The following DMD variants were observed in gnomAD, a reference collection of about 807,000 sequenced individuals.
The protein encoded by DMD is mutant dystrophin.
Under a neutral mutation model 330.1 loss-of-function variants are expected in DMD, and 63 were observed. That is an observed-to-expected ratio of 0.19 (90% CI 0.16 to 0.24). The LOEUF is 0.24. DMD is among the 10% of genes least tolerant of loss of function. The pLI is 1.00. For missense variants in DMD, 3,344 were observed against 2,684.1 expected, an observed-to-expected ratio of 1.25 and a Z score of -5.43; for synonymous variants, 1,223 against 959.8, an observed-to-expected ratio of 1.27 and a Z score of -5.07.
At chrX:32,047,096 T>C (rs186034847) in intron 44 of DMD, among the ~76,000 whole-genome samples, 190 of 111,606 alleles carry the variant, frequency 1.7e-3, no homozygotes, top group Non-Finnish European at 3.1e-3. Flanking sequence ...TAATACTCTC[T>C]TGAAATTGAC....
At chrX:32,678,694 A>C (rs919238295) in intron 9 of DMD, among the ~76,000 whole-genome samples, 2 of 111,621 alleles carry the variant, frequency 1.8e-5, no homozygotes, top group African/African-American at 6.5e-5. Context: ...TCAGAGTTAT[A>C]TTATCTTTCC....
chrX:33,051,250 C>T (rs1294804257), intron 1 of DMD, among the ~76,000 whole-genome samples: 1 of 99,166 alleles, frequency 1.0e-5, no homozygotes, highest in Non-Finnish European at 2.0e-5. Flanking sequence ...CTCCCTCTAT[C>T]GCCCAGGCTG....
chrX:32,767,567 A>G (rs2073138219), intron 7 of DMD, among the ~76,000 whole-genome samples: 1 of 111,623 alleles, frequency 9.0e-6, no homozygotes, highest in Non-Finnish European at 1.9e-5. Context: ...GGCAGTCTGA[A>G]GTCTTTCAAC....
At position 31,936,984 on chromosome X, in the gene DMD, G is replaced by A. The variant is rs373552512; in HGVS notation, c.6615-4757C>T. ...GTAATGCACTATGTCAATTATTGCA[G>A]CTTTAAAATATGTTTAATTTCTGGT... On this transcript the variant is annotated intron_variant, in intron 45 of 78. Transcript: ENST00000357033. Among the ~76,000 whole-genome samples, 29 of 110,933 alleles carry A rather than the reference G, an allele frequency of 2.6e-4. No individual in the cohort carries two copies. The South Asian group carries it at 0.011, about 41-fold the overall frequency.
chrX:32,462,496 A>G (rs1294037763), intron 25 of DMD, among the ~76,000 whole-genome samples: 2 of 111,296 alleles, frequency 1.8e-5, no homozygotes, highest in African/African-American at 3.3e-5. Flanking sequence ...ATTTTTGAAT[A>G]TATCTTACTA....
intron 30 of DMD, among the ~76,000 whole-genome samples, chrX:32,394,815 C>T (rs2098028597): frequency 1.9e-5 from 2 of 107,190 alleles, no homozygotes; most frequent in South Asian, 8.5e-4. Flanking sequence ...GTTTTTCCAT[C>T]CCCTTAGCCT....
intron 52 of DMD, among the ~76,000 whole-genome samples, chrX:31,701,490 C>T (rs1311156333): frequency 8.9e-6 from 1 of 111,802 alleles, no homozygotes; most frequent in Non-Finnish European, 1.9e-5. Context: ...CCCTCCTACC[C>T]ATGCCTAATT....
chrX:32,962,573 T>C (rs185501303), intron 2 of DMD, among the ~76,000 whole-genome samples: 32 of 111,735 alleles, frequency 2.9e-4, no homozygotes, highest in African/African-American at 9.1e-4. Context: ...TGGTTCTTTG[T>C]AGAAAAACTC....
At chrX:32,617,906 G>A (rs2057702894) in intron 11 of DMD, among the ~76,000 whole-genome samples, 1 of 111,263 alleles carries the variant, frequency 9.0e-6, no homozygotes, top group Non-Finnish European at 1.9e-5. Context: ...TTAAAAATAG[G>A]CAAAAGACCA....
intron 43 of DMD, among the ~76,000 whole-genome samples, chrX:32,279,761 C>T (rs184111098): frequency 1.3e-4 from 14 of 109,314 alleles, no homozygotes; most frequent in Admixed American, 6.9e-4. Flanking sequence ...GCTAGCACAA[C>T]AGGGTGACTA....
chrX:32,717,628 T>C (rs2065867868), intron 7 of DMD, among the ~76,000 whole-genome samples: 1 of 111,498 alleles, frequency 9.0e-6, no homozygotes, highest in African/African-American at 3.3e-5. Context: ...GGGCACTGCC[T>C]ACTTGAGCTT....
intron 2 of DMD, among the ~76,000 whole-genome samples, chrX:32,929,218 G>A (rs578205166): frequency 3.6e-5 from 4 of 111,065 alleles, no homozygotes; most frequent in African/African-American, 1.3e-4. Context: ...TTCTGTAGGT[G>A]TAATTATATT....
At chrX:32,976,327 G>A (rs779082511) in intron 2 of DMD, among the ~76,000 whole-genome samples, 39 of 111,243 alleles carry the variant, frequency 3.5e-4, no homozygotes, top group African/African-American at 1.1e-3. Flanking sequence ...TCCCCATAAC[G>A]GATGGAAAGG....
chrX:31,743,318 C>T (rs2087522834), intron 51 of DMD, among the ~76,000 whole-genome samples: 1 of 112,516 alleles, frequency 8.9e-6, no homozygotes, highest in Admixed American at 9.4e-5. Flanking sequence ...ACACAACTAT[C>T]GTTCAACCTA....
At chrX:32,402,024 A>C (rs1032549111) in intron 30 of DMD, among the ~76,000 whole-genome samples, 1 of 112,181 alleles carries the variant, frequency 8.9e-6, no homozygotes, top group African/African-American at 3.2e-5. Flanking sequence ...TAAAGTGGAG[A>C]AAGCAGATCT....
At chrX:32,863,750 AT>A (rs2082272364) in intron 2 of DMD, among the ~76,000 whole-genome samples, 1 of 111,371 alleles carries the variant, frequency 9.0e-6, no homozygotes, top group Non-Finnish European at 1.9e-5. Flanking sequence ...TGTAAAACGT[AT>A]TTATTACCAT....
At chrX:31,460,873 C>T (rs922409589) in intron 59 of DMD, among the ~76,000 whole-genome samples, 2 of 111,819 alleles carry the variant, frequency 1.8e-5, no homozygotes, top group Non-Finnish European at 3.8e-5. Flanking sequence ...TGAGCCACCA[C>T]GGCCGGCCAT....
At chrX:31,251,513 T>C (rs1205126222) in intron 63 of DMD, among the ~76,000 whole-genome samples, 2 of 112,095 alleles carry the variant, frequency 1.8e-5, no homozygotes, top group East Asian at 5.5e-4. Context: ...TTTTGAAACA[T>C]TCCCACAGAA....
At position 32,310,271 on chromosome X, in the gene DMD, A is replaced by T. The variant is rs1450949396; in HGVS notation, c.5928T>A (p.Thr1976=). ...FRRLNFAQIH[T]VREETMMVMT... ...TCACCATCATCGTTTCTTCACGGAC[A>T]GTGTGCTGGTATAGATATACAAAAG... The change falls in exon 42 of 79, where the codon ACT becomes ACA. Residue 1976 remains threonine (T), a synonymous_variant. Coordinates refer to ENST00000357033, the MANE Select transcript of DMD (RefSeq NM_004006.3). 8.3e-7 allele frequency: 1 copy of T among 1,207,532 alleles called. No homozygotes were observed. The highest frequency in any genetic ancestry group is 1.1e-6 in the Non-Finnish European group (1 of 892,446).
Sources: allele counts gnomAD v4.1 joint callset (sites outside exome capture counted in the v4.1 genomes callset), GRCh38; gene constraint gnomAD v4.1.1; transcripts MANE v1.5; gene names NCBI Gene and HGNC (gene_info 2026-07-23, HGNC 2026-07-21).